The following NWD1 variants were observed in gnomAD, a reference collection of about 807,000 sequenced individuals.
NWD1 encodes the protein NACHT and WD repeat domain containing 1.
A neutral mutation model predicts 135.1 loss-of-function variants in NWD1; 129 were observed. The observed-to-expected ratio is 0.96, with a 90% CI of 0.83 to 1.11. NWD1 has a LOEUF of 1.11. Ranked by LOEUF, NWD1 falls within the 50% of genes least tolerant of loss-of-function variation. The probability of loss-of-function intolerance (pLI) is 0.00; values close to 1 mark genes in which losing one functional copy is unlikely to be tolerated. For missense variants in NWD1, 1,740 were observed against 1,851.3 expected (o/e 0.94, Z 1.10); for synonymous variants, 773 against 786.0 (o/e 0.98, Z 0.28).
At chr19:16,751,903 G>A (rs1968597495) in intron 6 of NWD1, among the ~76,000 whole-genome samples, 1 of 147,784 alleles carries the variant, frequency 6.8e-6, no homozygotes, top group Non-Finnish European at 1.5e-5. Context: ...AAGAGAAAGA[G>A]AGAAAAAGGG....
At chr19:16,762,401 A>G (rs1969057527) in intron 8 of NWD1, among the ~76,000 whole-genome samples, 1 of 144,120 alleles carries the variant, frequency 6.9e-6, no homozygotes, top group Non-Finnish European at 1.5e-5. Flanking sequence ...GGTTCAAGCC[A>G]TTTTCCTGCC....
rs763604438 is a variant in NWD1, at chr19:16,750,074, A to G, written c.1432A>G (p.Thr478Ala). 6.4e-5 allele frequency: 103 copies of G among 1,613,762 alleles called. 1 individual carries two copies. In the Admixed American group the frequency reaches 1.1e-3, roughly 18 times the overall value. The change falls in exon 6 of 19, where the codon ACC becomes GCC. Residue 478 changes from threonine to alanine, a missense_variant. Coordinates refer to ENST00000524140, the MANE Select transcript of NWD1 (RefSeq NM_001007525.5). ...CTCGGGGGCACTGGGGGTTTTGGAC[A>G]CCTTGCAGCGGGTGCTCCTGGACCC... ...ACSGALGVLD[T>A]LQRVLLDPEA...
chr19:16,749,124 T>C lies in NWD1; in HGVS notation c.497-15T>C. The C allele has an allele frequency of 1.9e-6, 3 of 1,572,164 alleles. No individual in the cohort carries two copies. Among genetic ancestry groups the C allele is most frequent in the Non-Finnish European group, 2.6e-6 (3 of 1,156,480 alleles). On this transcript the variant is annotated splice_polypyrimidine_tract_variant and intron_variant, in intron 5 of 18. Coordinates refer to ENST00000524140, the MANE Select transcript of NWD1 (RefSeq NM_001007525.5). ...TAATGACCACACTTCCTTCCCACCT[T>C]CCCCACTTTGGCAGTCATTGAGTGG...
In NWD1 at chr19:16,791,351, T is replaced by A; in HGVS notation, c.2942T>A (p.Ile981Asn). The change falls in exon 14 of 19, where the codon ATC becomes AAC. Residue 981 changes from isoleucine (I) to asparagine (N), a missense_variant and splice_region_variant. Coordinates refer to ENST00000524140, the MANE Select transcript of NWD1 (RefSeq NM_001007525.5). The part of the protein sequence containing the change: ...KVVYSASGSK[I>N]NAWNLETAEP... ...GCTTCCTCTTCATTATTCTATTAGA[T>A]CAATGCTTGGAATCTGGAAACTGCA... 1.2e-6 allele frequency: 2 copies of A among 1,613,162 alleles called. No homozygotes were observed. The highest frequency in any genetic ancestry group is 1.7e-6 in the Non-Finnish European group (2 of 1,179,504).
chr19:16,767,982 C>CTT lies in NWD1; in HGVS notation c.2410+2814_2410+2815dup, dbSNP rs963453075. ...TGTAGCATATGTCAGAATTTCCTTCCTTTTTTTTTTTTTTTTTTTTTTTTT... is the reference window on the plus strand; with the variant it reads ...TGTAGCATATGTCAGAATTTCCTTCCTTTTTTTTTTTTTTTTTTTTTTTTTTT... On this transcript the variant is annotated intron_variant, in intron 10 of 18. Transcript: ENST00000524140. 5.7e-3 allele frequency among the ~76,000 whole-genome samples: 480 copies of CTT among 83,624 alleles called. 7 individuals are homozygous for CTT. Among genetic ancestry groups the CTT allele is most frequent in the Non-Finnish European group, 7.7e-3 (348 of 45,120 alleles). The allele number at this position is 83,624 out of a possible 152,430, so 54.9% of individuals were successfully genotyped here.
intron 15 of NWD1, among the ~76,000 whole-genome samples, chr19:16,795,780 C>A (rs897786901): frequency 6.6e-6 from 1 of 152,096 alleles, no homozygotes; most frequent in Non-Finnish European, 1.5e-5. Context: ...GCAGTTCAGT[C>A]AGCCCCTTTC....
chr19:16,804,272 G>T (rs1339714156), intron 17 of NWD1, among the ~76,000 whole-genome samples: 1 of 151,928 alleles, frequency 6.6e-6, no homozygotes. Flanking sequence ...GCCATGGATT[G>T]GGTGGCTTAG....
chr19:16,729,448 G>A (rs954156018), intron 2 of NWD1, among the ~76,000 whole-genome samples: 10 of 151,922 alleles, frequency 6.6e-5, no homozygotes, highest in African/African-American at 1.9e-4. Flanking sequence ...CAAACACCCC[G>A]TCTTCAGGGA....
chr19:16,751,472 AAG>A (rs1386692840), intron 6 of NWD1, among the ~76,000 whole-genome samples: 3 of 150,908 alleles, frequency 2.0e-5, no homozygotes, highest in African/African-American at 7.3e-5. Context: ...GGAAGAGAGA[AAG>A]AAAGAGAAAG....
At chr19:16,776,242 T>C (rs1302192191) in intron 11 of NWD1, among the ~76,000 whole-genome samples, 1 of 152,090 alleles carries the variant, frequency 6.6e-6, no homozygotes, top group African/African-American at 2.4e-5. Context: ...GAGAAAGTTC[T>C]TACCTGTGTG....
chr19:16,789,315 C>T, intron 13 of NWD1, 125 bp downstream of exon 13: 1 of 706,194 alleles, frequency 1.4e-6, no homozygotes, highest in Admixed American at 2.3e-5. Flanking sequence ...ATGGAGTACA[C>T]AACCACTTGA....
intron 17 of NWD1, 58 bp downstream of exon 17, chr19:16,800,220 A>C: frequency 6.8e-7 from 1 of 1,472,766 alleles, no homozygotes; most frequent in Non-Finnish European, 9.2e-7. Context: ...CATCTGTCTT[A>C]GTTTAGGCTA....
At chr19:16,792,931 G>C (rs1970297879) in intron 14 of NWD1, among the ~76,000 whole-genome samples, 1 of 146,312 alleles carries the variant, frequency 6.8e-6, no homozygotes, top group South Asian at 2.2e-4. Flanking sequence ...TGTACTCCCA[G>C]CTACTTGAGA....
At chr19:16,800,225 A>G in intron 17 of NWD1, 63 bp downstream of exon 17, 1 of 1,455,958 alleles carries the variant, frequency 6.9e-7, no homozygotes, top group Non-Finnish European at 9.3e-7. Context: ...GTCTTAGTTT[A>G]GGCTACTGTA....
intron 18 of NWD1, 75 bp from the exon 19 acceptor site, chr19:16,814,953 C>T (rs1971023612): frequency 7.4e-7 from 1 of 1,343,698 alleles, no homozygotes; most frequent in African/African-American, 1.5e-5. Flanking sequence ...TTCCATGCAG[C>T]CAACTCTGGA....
chr19:16,790,409 G>C (rs1218065578), intron 13 of NWD1, among the ~76,000 whole-genome samples: 1 of 151,608 alleles, frequency 6.6e-6, no homozygotes, highest in Non-Finnish European at 1.5e-5. Context: ...TATAAATCAT[G>C]CTGCCCAAAA....
At position 16,749,437 on chromosome 19, in the gene NWD1, G is replaced by A. The variant is rs1365918050; in HGVS notation, c.795G>A (p.Leu265=). 3.7e-6 allele frequency: 6 copies of A among 1,613,670 alleles called. No individual in the cohort carries two copies. Among genetic ancestry groups the A allele is most frequent in the Non-Finnish European group, 4.2e-6 (5 of 1,179,772 alleles). ...CTCACGCCTGCTACCTGAAGGAGCTGGGTGAGCAGTTTGTGGTGAGGGCCA... is the reference window on the plus strand; with the variant it reads ...CTCACGCCTGCTACCTGAAGGAGCTAGGTGAGCAGTTTGTGGTGAGGGCCA... ...NKTHACYLKE[L]GEQFVVRANH... Residue 265 remains leucine, a synonymous_variant, in exon 6 of 19, where the codon CTG becomes CTA. Coordinates refer to ENST00000524140, the MANE Select transcript of NWD1 (RefSeq NM_001007525.5).
chr19:16,792,142 C>A (rs1276352845), intron 14 of NWD1, among the ~76,000 whole-genome samples: 3 of 152,160 alleles, frequency 2.0e-5, no homozygotes, highest in Admixed American at 6.6e-5. Context: ...ATCTCTAAGA[C>A]ATGGTGTGGA....
intron 3 of NWD1, among the ~76,000 whole-genome samples, chr19:16,734,734 CTATTTATTTATT>C (rs58756047): frequency 7.8e-5 from 11 of 141,790 alleles, no homozygotes; most frequent in African/African-American, 2.1e-4. Flanking sequence ...CTACACCTGG[CTATTTATTTATT>C]TATTTATTTA....
Sources: allele counts gnomAD v4.1 joint callset (sites outside exome capture counted in the v4.1 genomes callset), GRCh38; gene constraint gnomAD v4.1.1; transcripts MANE v1.5; gene names NCBI Gene and HGNC (gene_info 2026-07-23, HGNC 2026-07-21).